ING3: variants seen among roughly 807,000 people sequenced by gnomAD.
ING3 encodes the protein inhibitor of growth family member 3, also known as inhibitor of growth protein 3.
A neutral mutation model predicts 64.8 loss-of-function variants in ING3; 6 were observed. The ratio of observed to expected loss-of-function variants is 0.09; its 90% CI spans 0.05 to 0.18. The LOEUF is 0.18. Among genes scored for constraint, ING3 ranks in the 10% least tolerant of loss-of-function variants. The pLI is 1.00. For synonymous variants in ING3, 170 were observed against 173.7 expected (o/e 0.98, Z 0.17); for missense variants, 310 against 489.7 (o/e 0.63, Z 3.46).
intron 10 of ING3, among the ~76,000 whole-genome samples, chr7:120,972,482 A>C (rs1030655360): frequency 6.6e-6 from 1 of 152,220 alleles, no homozygotes; most frequent in Non-Finnish European, 1.5e-5. Flanking sequence ...TTGCAAAAGA[A>C]CAAAATCAGA....
At chr7:120,964,366 T>C (rs1795971780) in intron 4 of ING3, among the ~76,000 whole-genome samples, 1 of 152,142 alleles carries the variant, frequency 6.6e-6, no homozygotes, top group South Asian at 2.1e-4. Context: ...AGGAGGAGAT[T>C]AGGCTCTAAG....
At position 120,969,120 on chromosome 7, in the gene ING3, A is replaced by G; in HGVS notation, c.824A>G (p.Tyr275Cys). 8 of 1,614,182 alleles carry G rather than the reference A, an allele frequency of 5.0e-6. No homozygotes were observed. The highest frequency in any genetic ancestry group is 1.3e-5 in the African/African-American group (1 of 75,048). ...EFSMARETVG[Y>C]SSSSALMTTL... ...TCAATGGCCAGGGAAACAGTTGGCTATTCATCATCTTCGGCACTTATGACA... is the reference window on the plus strand; with the variant it reads ...TCAATGGCCAGGGAAACAGTTGGCTGTTCATCATCTTCGGCACTTATGACA... Residue 275 changes from tyrosine (Y) to cysteine (C), a missense_variant, in exon 9 of 12, where the codon TAT (tyrosine) becomes TGT (cysteine). By Grantham distance (194) the Tyr-to-Cys change is radical. Around this residue, in one of 3 missense-constraint regions of ING3, gnomAD observed 233 missense variants for 289.4 expected, o/e 0.81. Coordinates refer to ENST00000315870, the MANE Select transcript of ING3 (RefSeq NM_019071.3).
intron 4 of ING3, among the ~76,000 whole-genome samples, chr7:120,959,736 C>T (rs13230872): frequency 7.1e-6 from 1 of 140,402 alleles, no homozygotes; most frequent in Non-Finnish European, 1.5e-5. Flanking sequence ...AGCTCCGCCT[C>T]TTGGGTTCAT....
At chr7:120,953,505 A>T (rs1440904012) in intron 3 of ING3, 101 bp downstream of exon 3, 4 of 687,506 alleles carry the variant, frequency 5.8e-6, no homozygotes, top group Non-Finnish European at 1.0e-5. Context: ...ATGAGAGAAT[A>T]TTATCAATGA....
At chr7:120,968,723 G>A (rs1457864052) in intron 8 of ING3, among the ~76,000 whole-genome samples, 1 of 151,362 alleles carries the variant, frequency 6.6e-6, no homozygotes, top group Non-Finnish European at 1.5e-5. Context: ...GTGGGTGCCT[G>A]TAATCCCAGC....
At chr7:120,964,888 ATCGC>A (rs1465392343) in intron 5 of ING3, 50 bp downstream of exon 5, 1 of 1,422,742 alleles carries the variant, frequency 7.0e-7, no homozygotes, top group Non-Finnish European at 9.9e-7. Flanking sequence ...ACATGTGCAA[ATCGC>A]TGAGAAGACC....
At chr7:120,973,294 T>C in intron 11 of ING3, 51 bp downstream of exon 11, 1 of 1,180,258 alleles carries the variant, frequency 8.5e-7, no homozygotes, top group Non-Finnish European at 1.3e-6. Flanking sequence ...CAGGTTGTTA[T>C]TACTTGAATA....
At chr7:120,963,451 A>C (rs1473940969) in intron 4 of ING3, among the ~76,000 whole-genome samples, 1 of 152,066 alleles carries the variant, frequency 6.6e-6, no homozygotes, top group Non-Finnish European at 1.5e-5. Context: ...TTTCAAAAAA[A>C]AAACAGTTGT....
chr7:120,952,403 A>G (rs1207159926), intron 2 of ING3, among the ~76,000 whole-genome samples: 2 of 152,234 alleles, frequency 1.3e-5, no homozygotes, highest in African/African-American at 4.8e-5. Context: ...GATACAAAGT[A>G]GGCATTAAAT....
At chr7:120,963,695 T>G (rs1795962891) in intron 4 of ING3, among the ~76,000 whole-genome samples, 1 of 152,138 alleles carries the variant, frequency 6.6e-6, no homozygotes, top group Non-Finnish European at 1.5e-5. Flanking sequence ...TCAAGCACAT[T>G]ACCTCCTCTT....
intron 4 of ING3, among the ~76,000 whole-genome samples, chr7:120,957,483 A>T (rs1401819713): frequency 6.6e-6 from 1 of 152,212 alleles, no homozygotes; most frequent in East Asian, 1.9e-4. Context: ...CCATACAGAA[A>T]CATGTAATAA....
chr7:120,958,420 G>A (rs900474791), intron 4 of ING3, among the ~76,000 whole-genome samples: 2 of 152,126 alleles, frequency 1.3e-5, no homozygotes, highest in Non-Finnish European at 2.9e-5. Context: ...ACAGTTCTCT[G>A]TTGCAATCAT....
chr7:120,958,867 C>G (rs923707932), intron 4 of ING3, among the ~76,000 whole-genome samples: 2 of 152,198 alleles, frequency 1.3e-5, no homozygotes, highest in Admixed American at 6.5e-5. Flanking sequence ...CTCATTCAGA[C>G]TCTTTGACAC....
intron 2 of ING3, among the ~76,000 whole-genome samples, chr7:120,952,417 G>T (rs1795780906): frequency 6.6e-6 from 1 of 152,074 alleles, no homozygotes; most frequent in South Asian, 2.1e-4. Flanking sequence ...ATTAAATAAA[G>T]GGTAACTTAC....
rs1796132966 is a variant in ING3 at position 120,976,285 on chromosome 7, A to C, written c.*1441A>C. 6.6e-6 allele frequency: 1 copy of C among 152,170 alleles called. No individual in the cohort carries two copies. The allele number at this position is 152,170 out of a possible 1,614,324, so 9.4% of individuals were successfully genotyped here. On this transcript the variant is annotated 3_prime_UTR_variant, in exon 12 of 12. Coordinates refer to ENST00000315870, the MANE Select transcript of ING3 (RefSeq NM_019071.3). Reference sequence around the variant, plus strand: ...TCCATCAGATTTCTGCTTTAATTAAACCACTTATGAGCTTCTTAGAACTTA... The same window carrying C: ...TCCATCAGATTTCTGCTTTAATTAACCCACTTATGAGCTTCTTAGAACTTA...
intron 8 of ING3, 121 bp downstream of exon 8, chr7:120,968,212 C>A: frequency 3.5e-6 from 3 of 854,502 alleles, no homozygotes. Flanking sequence ...ATTTTTAAGT[C>A]ATGATTTCAC....
At chr7:120,959,159 G>T (rs1795895205) in intron 4 of ING3, among the ~76,000 whole-genome samples, 2 of 152,116 alleles carry the variant, frequency 1.3e-5, no homozygotes, top group Admixed American at 1.3e-4. Context: ...GTTCCTCAGG[G>T]TTCTGTCCTT....
intron 5 of ING3, 24 bp from the exon 6 acceptor site, chr7:120,966,602 A>G (rs774539544): frequency 7.6e-6 from 12 of 1,569,730 alleles, no homozygotes; most frequent in Middle Eastern, 1.7e-4. Context: ...ATGGTGGTGT[A>G]TCTCTGTGCC....
chr7:120,966,498 C>G, intron 5 of ING3, 128 bp from the exon 6 acceptor site: 1 of 770,506 alleles, frequency 1.3e-6, no homozygotes. Context: ...AAAATAAATA[C>G]AGGCATATGC....
Sources: allele counts gnomAD v4.1 joint callset (sites outside exome capture counted in the v4.1 genomes callset), GRCh38; gene constraint gnomAD v4.1.1; regional missense constraint gnomAD v4.1.1; transcripts MANE v1.5; gene names NCBI Gene and HGNC (gene_info 2026-07-23, HGNC 2026-07-21).